Variants in MDGA2 observed in about 807,000 individuals in gnomAD.
MDGA2 encodes the protein MAM domain-containing glycosylphosphatidylinositol anchor protein 2.
In MDGA2, 40 loss-of-function variants were observed where a neutral mutation model predicts 117.8. The observed-to-expected ratio is 0.34, with a 90% CI of 0.26 to 0.44. MDGA2 has a LOEUF of 0.44. Ranked by LOEUF, MDGA2 falls within the 20% of genes least tolerant of loss-of-function variation. MDGA2 has a pLI of 1.00. For missense variants in MDGA2, 1,123 were observed against 1,250.6 expected (o/e 0.90, Z 1.54); for synonymous variants, 452 against 439.0 (o/e 1.03, Z -0.37).
intron 1 of MDGA2, among the ~76,000 whole-genome samples, chr14:47,381,850 G>A (rs1270620549): frequency 6.6e-6 from 1 of 152,042 alleles, no homozygotes; most frequent in Non-Finnish European, 1.5e-5. Flanking sequence ...TCACATAATT[G>A]GAAAAAACTA....
At chr14:47,213,435 TTG>T (rs1885958642) in intron 3 of MDGA2, among the ~76,000 whole-genome samples, 1 of 152,194 alleles carries the variant, frequency 6.6e-6, no homozygotes, top group Admixed American at 6.6e-5. Context: ...ATTTATTTCA[TTG>T]TGTTAAGGAT....
intron 2 of MDGA2, among the ~76,000 whole-genome samples, chr14:47,245,054 C>G (rs1275516471): frequency 6.6e-6 from 1 of 151,822 alleles, no homozygotes; most frequent in Non-Finnish European, 1.5e-5. Context: ...GACAAAGTCT[C>G]ACTCTGTCAC....
chr14:47,329,674 G>T (rs1285048991), intron 1 of MDGA2, among the ~76,000 whole-genome samples: 8 of 151,938 alleles, frequency 5.3e-5, no homozygotes, highest in African/African-American at 1.9e-4. Flanking sequence ...TACTTGGAAA[G>T]TCTCAAATTT....
intron 1 of MDGA2, among the ~76,000 whole-genome samples, chr14:47,646,531 G>A (rs534308096): frequency 6.6e-6 from 1 of 152,230 alleles, no homozygotes; most frequent in African/African-American, 2.4e-5. Flanking sequence ...CCACCTACTA[G>A]TTGGGTGAAC....
At chr14:47,089,160 G>C (rs1358203244) in intron 6 of MDGA2, among the ~76,000 whole-genome samples, 2 of 152,050 alleles carry the variant, frequency 1.3e-5, no homozygotes, top group East Asian at 3.9e-4. Flanking sequence ...CTTTGGCAAT[G>C]CAAGAATAGA....
rs192070400 is a variant in MDGA2 at position 47,512,445 on chromosome 14, T to C, written c.280+162072A>G. ...TCAAAATCACTCATAAAGACTCAAA[T>C]AGACCCCAGAGTTGGGGGACTATAA... On this transcript the variant is annotated intron_variant, in intron 1 of 16. Transcript: ENST00000399232. 8.8e-4 allele frequency among the ~76,000 whole-genome samples: 134 copies of C among 152,238 alleles called. No homozygotes were observed. In the South Asian group the frequency reaches 0.013, roughly 15 times the overall value.
chr14:47,609,294 A>G (rs1896796026), intron 1 of MDGA2, among the ~76,000 whole-genome samples: 1 of 150,496 alleles, frequency 6.6e-6, no homozygotes, highest in African/African-American at 2.4e-5. Context: ...TAGCTGAAAC[A>G]TATCTGTGAG....
intron 1 of MDGA2, among the ~76,000 whole-genome samples, chr14:47,538,221 GATAAA>G (rs1396866195): frequency 6.6e-6 from 1 of 152,142 alleles, no homozygotes; most frequent in Admixed American, 6.5e-5. Flanking sequence ...ATGGCTTAGT[GATAAA>G]ATAAAATTGA....
At chr14:46,963,560 T>G (rs2138288929) in intron 8 of MDGA2, among the ~76,000 whole-genome samples, 1 of 152,364 alleles carries the variant, frequency 6.6e-6, no homozygotes, top group East Asian at 1.9e-4. Context: ...TTTTGTAGAC[T>G]TTAGACCTCT....
chr14:47,213,172 T>G (rs549991093), intron 3 of MDGA2, among the ~76,000 whole-genome samples: 375 of 152,280 alleles, frequency 2.5e-3, no homozygotes, highest in Admixed American at 4.5e-3. Flanking sequence ...AATGTCTTTC[T>G]TCTTCTTTGA....
chr14:47,265,061 G>A (rs1218959314), intron 2 of MDGA2, among the ~76,000 whole-genome samples: 2 of 152,036 alleles, frequency 1.3e-5, no homozygotes, highest in South Asian at 2.1e-4. Context: ...AAAAAGCTTC[G>A]ATTTGTAGCA....
chr14:46,959,390 T>G (rs112347220), intron 8 of MDGA2, among the ~76,000 whole-genome samples: 1 of 151,532 alleles, frequency 6.6e-6, no homozygotes. Flanking sequence ...TATTTTTCCA[T>G]CCTTTTAATC....
intron 2 of MDGA2, among the ~76,000 whole-genome samples, chr14:47,275,400 T>C (rs998268277): frequency 2.0e-5 from 3 of 152,174 alleles, no homozygotes; most frequent in East Asian, 3.9e-4. Flanking sequence ...TTAAGCTCAG[T>C]TGAAAGAGTA....
At chr14:47,673,342 A>G (rs548395758) in intron 1 of MDGA2, among the ~76,000 whole-genome samples, 1 of 152,198 alleles carries the variant, frequency 6.6e-6, no homozygotes, top group African/African-American at 2.4e-5. Flanking sequence ...ACAAATATTC[A>G]TTCCTTTTTG....
chr14:47,234,166 TTAA>T (rs1314818517), intron 2 of MDGA2, among the ~76,000 whole-genome samples: 3 of 151,698 alleles, frequency 2.0e-5, no homozygotes, highest in Non-Finnish European at 2.9e-5. Flanking sequence ...TAATATTGTC[TTAA>T]TAATATATGT....
intron 1 of MDGA2, among the ~76,000 whole-genome samples, chr14:47,558,964 T>C (rs1895741008): frequency 2.6e-5 from 4 of 152,196 alleles, no homozygotes; most frequent in Admixed American, 2.6e-4. Flanking sequence ...ACGATACACA[T>C]ATGATTCTGC....
chr14:46,865,932 G>A lies in MDGA2; in HGVS notation c.2752+7501C>T, dbSNP rs1881738007. Among the ~76,000 whole-genome samples, 5 of 151,318 alleles carry A rather than the reference G, an allele frequency of 3.3e-5. No individual in the cohort carries two copies. In the South Asian group the frequency reaches 8.4e-4, roughly 25 times the overall value. On this transcript the variant is annotated intron_variant, in intron 14 of 16. Transcript: ENST00000399232. Reference sequence around the variant, plus strand: ...GAAGAACATTCCATGCTCATGGGTAGGAAGAATCAATATCATGAAAATGGC... The same window carrying A: ...GAAGAACATTCCATGCTCATGGGTAAGAAGAATCAATATCATGAAAATGGC...
At chr14:46,868,203 A>G (rs1283138935) in intron 14 of MDGA2, among the ~76,000 whole-genome samples, 1 of 152,040 alleles carries the variant, frequency 6.6e-6, no homozygotes, top group African/African-American at 2.4e-5. Flanking sequence ...TTGGGAACAA[A>G]AGGAGCAGAG....
chr14:47,552,709 A>C (rs1346136228), intron 1 of MDGA2, among the ~76,000 whole-genome samples: 2 of 152,202 alleles, frequency 1.3e-5, no homozygotes, highest in African/African-American at 2.4e-5. Context: ...CCTTTGGTAA[A>C]AACCCACCAA....
Sources: allele counts gnomAD v4.1 joint callset (sites outside exome capture counted in the v4.1 genomes callset), GRCh38; gene constraint gnomAD v4.1.1; transcripts MANE v1.5; gene names NCBI Gene and HGNC (gene_info 2026-07-23, HGNC 2026-07-21).